The following GPC6 variants were observed in gnomAD, a reference collection of about 807,000 sequenced individuals.
GPC6 encodes glypican 6.
Under a neutral mutation model 55.2 loss-of-function variants are expected in GPC6, and 14 were observed. That is an observed-to-expected ratio of 0.25 (90% CI 0.17 to 0.40). The LOEUF is 0.40. Ranked by LOEUF, GPC6 falls within the 10% of genes least tolerant of loss-of-function variation. The pLI is 1.00. For missense variants in GPC6, 641 were observed against 708.5 expected, an observed-to-expected ratio of 0.90 and a Z score of 1.08; for synonymous variants, 278 against 259.6, an observed-to-expected ratio of 1.07 and a Z score of -0.68.
chr13:94,350,726 T>C (rs1878499277), intron 6 of GPC6, among the ~76,000 whole-genome samples: 1 of 152,208 alleles, frequency 6.6e-6, no homozygotes, highest in South Asian at 2.1e-4. Context: ...TCCAGCTGTG[T>C]GCAGAATGAA....
At chr13:93,665,665 G>A (rs562277625) in intron 2 of GPC6, among the ~76,000 whole-genome samples, 1 of 151,900 alleles carries the variant, frequency 6.6e-6, no homozygotes, top group East Asian at 1.9e-4. Flanking sequence ...CTGTTGCTAA[G>A]AGAAAAAGTT....
At chr13:93,621,455 C>G (rs1290499538) in intron 2 of GPC6, among the ~76,000 whole-genome samples, 1 of 152,136 alleles carries the variant, frequency 6.6e-6, no homozygotes, top group Non-Finnish European at 1.5e-5. Context: ...GTTTCTCAAA[C>G]TTGGTTGATA....
At chr13:93,999,819 G>A (rs1366386296) in intron 3 of GPC6, among the ~76,000 whole-genome samples, 1 of 152,178 alleles carries the variant, frequency 6.6e-6, no homozygotes, top group Non-Finnish European at 1.5e-5. Context: ...CTACAAGGTT[G>A]AGTAAGTCAG....
At chr13:94,197,502 A>G (rs1443956144) in intron 4 of GPC6, among the ~76,000 whole-genome samples, 1 of 152,208 alleles carries the variant, frequency 6.6e-6, no homozygotes, top group Non-Finnish European at 1.5e-5. Flanking sequence ...ACTTGCAAAC[A>G]GCAGTCTTCT....
chr13:94,155,801 C>T (rs144977547), intron 4 of GPC6, among the ~76,000 whole-genome samples: 26 of 152,302 alleles, frequency 1.7e-4, no homozygotes, highest in African/African-American at 5.3e-4. Flanking sequence ...TCCTCTGCCT[C>T]CCTTTAGAGA....
At chr13:94,250,135 A>C (rs1266595086) in intron 4 of GPC6, among the ~76,000 whole-genome samples, 1 of 152,162 alleles carries the variant, frequency 6.6e-6, no homozygotes, top group Non-Finnish European at 1.5e-5. Flanking sequence ...GATTAAGAGA[A>C]AGTCTTTGCG....
intron 1 of GPC6, among the ~76,000 whole-genome samples, chr13:93,457,565 G>C (rs958685010): frequency 9.9e-5 from 15 of 152,146 alleles, no homozygotes; most frequent in Non-Finnish European, 2.2e-4. Flanking sequence ...CTGTGGCTCA[G>C]TGTTGAGCCT....
chr13:93,511,838 A>G (rs535287822), intron 1 of GPC6, among the ~76,000 whole-genome samples: 1 of 151,834 alleles, frequency 6.6e-6, no homozygotes, highest in Admixed American at 6.6e-5. Context: ...TGTTTTTTCA[A>G]TTTCTTTCAC....
At chr13:93,597,579 C>G (rs542738685) in intron 2 of GPC6, among the ~76,000 whole-genome samples, 1 of 152,240 alleles carries the variant, frequency 6.6e-6, no homozygotes, top group Admixed American at 6.5e-5. Flanking sequence ...TTTCTTCCAC[C>G]TCTGCCACCT....
rs116556493 is a variant in GPC6, at chr13:93,254,490, C to T, written c.160+26874C>T. On this transcript the variant is annotated intron_variant, in intron 1 of 8. Coordinates refer to ENST00000377047, the MANE Select transcript of GPC6 (RefSeq NM_005708.5). ...TAAATAGAACAATTGTTTCATGAAT[C>T]CCTTTTACTAACTTTTCTTAGGTAG... Among the ~76,000 whole-genome samples the T allele has an allele frequency of 3.1e-3, 465 of 152,220 alleles. 4 individuals are homozygous for T. The highest frequency in any genetic ancestry group is 0.011 in the African/African-American group (447 of 41,540).
intron 3 of GPC6, among the ~76,000 whole-genome samples, chr13:93,957,592 A>G (rs1298377703): frequency 1.3e-5 from 2 of 152,166 alleles, no homozygotes; most frequent in Admixed American, 6.5e-5. Flanking sequence ...TCCATGGTAT[A>G]TATGTACCAC....
chr13:94,029,193 A>G (rs1384649298), intron 4 of GPC6, among the ~76,000 whole-genome samples: 1 of 152,224 alleles, frequency 6.6e-6, no homozygotes, highest in East Asian at 1.9e-4. Flanking sequence ...AATGAAACCC[A>G]TTGGCTAATT....
At chr13:94,254,834 A>C (rs1891458142) in intron 4 of GPC6, among the ~76,000 whole-genome samples, 1 of 152,162 alleles carries the variant, frequency 6.6e-6, no homozygotes, top group South Asian at 2.1e-4. Context: ...TGATTTTCAG[A>C]GTAACATTTT....
chr13:93,908,894 G>A (rs1876814035), intron 3 of GPC6, among the ~76,000 whole-genome samples: 1 of 152,022 alleles, frequency 6.6e-6, no homozygotes, highest in Non-Finnish European at 1.5e-5. Context: ...CTGTTTAAAT[G>A]TCACCTGGCT....
intron 3 of GPC6, among the ~76,000 whole-genome samples, chr13:93,918,330 T>C (rs1877394874): frequency 6.6e-6 from 1 of 152,142 alleles, no homozygotes; most frequent in African/African-American, 2.4e-5. Context: ...AATCTTCTAT[T>C]ATTATTGGGA....
chr13:93,873,610 C>T (rs772938886), intron 3 of GPC6, among the ~76,000 whole-genome samples: 1 of 151,776 alleles, frequency 6.6e-6, no homozygotes, highest in Non-Finnish European at 1.5e-5. Context: ...ATCATCTGGC[C>T]CCACCTGTCA....
chr13:93,503,676 G>T (rs1036308398), intron 1 of GPC6, among the ~76,000 whole-genome samples: 3 of 152,138 alleles, frequency 2.0e-5, no homozygotes, highest in African/African-American at 7.2e-5. Context: ...AATCTTATGT[G>T]GTGGGGGGAC....
At chr13:94,060,447 G>C (rs1481309213) in intron 4 of GPC6, among the ~76,000 whole-genome samples, 2 of 152,180 alleles carry the variant, frequency 1.3e-5, no homozygotes, top group African/African-American at 4.8e-5. Context: ...TTGAATTAAA[G>C]AGAATTCCTA....
chr13:94,386,307 C>T (rs1880404379), intron 7 of GPC6, among the ~76,000 whole-genome samples: 2 of 150,412 alleles, frequency 1.3e-5, no homozygotes, highest in Admixed American at 1.3e-4. Flanking sequence ...TTGCAGTGAG[C>T]AGAGATCACA....
Sources: gnomAD v4.1 joint callset for allele counts (sites outside exome capture counted in the v4.1 genomes callset) on GRCh38, gnomAD v4.1.1 for gene constraint, MANE v1.5 for transcripts, NCBI Gene and HGNC (gene_info 2026-07-23, HGNC 2026-07-21) for gene names.